The following PDZD2 variants were observed in gnomAD, a reference collection of about 807,000 sequenced individuals.
PDZD2 encodes the protein PDZ domain containing 2, also known as PDZ domain-containing protein 2.
Under a neutral mutation model 220.7 loss-of-function variants are expected in PDZD2, and 90 were observed. That is an observed-to-expected ratio of 0.41 (90% confidence interval 0.34 to 0.49). The LOEUF (loss-of-function observed/expected upper bound fraction) is 0.49. Ranked by LOEUF, PDZD2 falls within the 20% of genes least tolerant of loss-of-function variation. PDZD2 has a pLI of 0.28. For synonymous variants in PDZD2, 1,375 were observed against 1,450.5 expected (o/e 0.95, Z 1.18); for missense variants, 3,174 against 3,608.5 (o/e 0.88, Z 3.08).
chr5:31,818,888 T>C (rs888468607), intron 2 of PDZD2, among the ~76,000 whole-genome samples: 1 of 152,218 alleles, frequency 6.6e-6, no homozygotes, highest in Non-Finnish European at 1.5e-5. Context: ...TCAACAGATA[T>C]AATTTTTTGT....
chr5:32,059,619 C>G (rs1739489963), intron 13 of PDZD2, among the ~76,000 whole-genome samples: 2 of 152,278 alleles, frequency 1.3e-5, no homozygotes, highest in Admixed American at 6.5e-5. Flanking sequence ...GTTTCAGAAA[C>G]TTGACAAGAT....
chr5:31,981,924 C>T (rs1160540130), intron 2 of PDZD2, among the ~76,000 whole-genome samples: 1 of 152,152 alleles, frequency 6.6e-6, no homozygotes, highest in Non-Finnish European at 1.5e-5. Context: ...ATTTTCTTAT[C>T]GTTCTTTAAG....
At chr5:31,703,483 G>A (rs1466737053) in intron 1 of PDZD2, among the ~76,000 whole-genome samples, 2 of 152,034 alleles carry the variant, frequency 1.3e-5, no homozygotes, top group Non-Finnish European at 2.9e-5. Flanking sequence ...TCGGGGGGTC[G>A]GGGGGAAGGG....
intron 2 of PDZD2, among the ~76,000 whole-genome samples, chr5:31,850,060 A>G (rs1370034310): frequency 1.4e-5 from 2 of 139,096 alleles, no homozygotes; most frequent in East Asian, 2.2e-4. Context: ...ACGTGTATAT[A>G]TAAGTATATA....
intron 1 of PDZD2, among the ~76,000 whole-genome samples, chr5:31,694,568 G>C (rs1285956197): frequency 6.6e-6 from 1 of 152,070 alleles, no homozygotes; most frequent in Non-Finnish European, 1.5e-5. Context: ...TGGTGTGTAG[G>C]AGATGCTTCA....
intron 2 of PDZD2, among the ~76,000 whole-genome samples, chr5:31,943,162 C>T (rs1196470982): frequency 6.6e-6 from 1 of 150,806 alleles, no homozygotes; most frequent in Non-Finnish European, 1.5e-5. Flanking sequence ...GAGATTGTGC[C>T]ACTGCACTCC....
At chr5:31,906,614 G>A (rs553128891) in intron 2 of PDZD2, among the ~76,000 whole-genome samples, 3 of 152,176 alleles carry the variant, frequency 2.0e-5, no homozygotes, top group East Asian at 1.9e-4. Flanking sequence ...AAGCTGAGGC[G>A]GGCAGATCAT....
chr5:32,053,497 G>T (rs1292416070), intron 9 of PDZD2, among the ~76,000 whole-genome samples: 1 of 152,176 alleles, frequency 6.6e-6, no homozygotes, highest in Non-Finnish European at 1.5e-5. Context: ...GTCAAATATT[G>T]GCAATTTGGT....
chr5:32,002,637 A>C (rs1462883224), intron 5 of PDZD2, among the ~76,000 whole-genome samples: 1 of 125,796 alleles, frequency 7.9e-6, no homozygotes, highest in East Asian at 2.5e-4. Context: ...ACACACCACC[A>C]ACACACACAC....
chr5:31,884,931 C>G (rs1272865212), intron 2 of PDZD2, among the ~76,000 whole-genome samples: 2 of 152,114 alleles, frequency 1.3e-5, no homozygotes, highest in African/African-American at 4.8e-5. Flanking sequence ...GTATGAGCCA[C>G]TGTGCCTGGC....
chr5:31,854,657 C>G (rs1758266390), intron 2 of PDZD2, among the ~76,000 whole-genome samples: 2 of 152,098 alleles, frequency 1.3e-5, no homozygotes, highest in African/African-American at 4.8e-5. Flanking sequence ...GGGTAGGGCG[C>G]TTTTTCCTCT....
chr5:32,002,421 G>A (rs904841758), intron 5 of PDZD2, among the ~76,000 whole-genome samples: 1 of 152,004 alleles, frequency 6.6e-6, no homozygotes, highest in East Asian at 1.9e-4. Flanking sequence ...GTAGCCCCTC[G>A]CCGGAAATGG....
At chr5:32,070,209 C>G (rs1740620280) in intron 15 of PDZD2, among the ~76,000 whole-genome samples, 1 of 152,164 alleles carries the variant, frequency 6.6e-6, no homozygotes, top group South Asian at 2.1e-4. Context: ...TAAAGGGACT[C>G]TTCACACATT....
At chr5:32,075,587 C>CT (rs1378738909) in intron 18 of PDZD2, among the ~76,000 whole-genome samples, 2 of 152,182 alleles carry the variant, frequency 1.3e-5, no homozygotes, top group Non-Finnish European at 2.9e-5. Context: ...GGTTATGTTA[C>CT]TACTTGGTTA....
chr5:31,928,573 T>A (rs1039619110), intron 2 of PDZD2, among the ~76,000 whole-genome samples: 1 of 152,026 alleles, frequency 6.6e-6, no homozygotes, highest in Non-Finnish European at 1.5e-5. Context: ...CCTCCCAGGT[T>A]CAAGGGGTTC....
At chr5:31,858,125 C>A (rs980434005) in intron 2 of PDZD2, among the ~76,000 whole-genome samples, 2 of 151,954 alleles carry the variant, frequency 1.3e-5, no homozygotes, top group African/African-American at 4.8e-5. Context: ...CGCACCTGGC[C>A]TTTTTTTGTG....
chr5:32,042,883 C>T (rs940051371), intron 7 of PDZD2, among the ~76,000 whole-genome samples: 7 of 152,198 alleles, frequency 4.6e-5, no homozygotes, highest in Admixed American at 6.5e-5. Context: ...ATAAAGGGCT[C>T]CCAGGGAGGT....
chr5:32,048,441 T>C, intron 7 of PDZD2, 98 bp from the exon 8 acceptor site: 1 of 985,622 alleles, frequency 1.0e-6, no homozygotes, highest in Non-Finnish European at 1.6e-6. Context: ...CTCAAAACCA[T>C]GAAGGTGGGT....
chr5:31,901,169 G>A (rs920966511), intron 2 of PDZD2, among the ~76,000 whole-genome samples: 1 of 152,064 alleles, frequency 6.6e-6, no homozygotes, highest in Non-Finnish European at 1.5e-5. Flanking sequence ...TGTAATCCCA[G>A]CACTTTGGGA....
Sources: allele counts gnomAD v4.1 joint callset (sites outside exome capture counted in the v4.1 genomes callset), GRCh38; gene constraint gnomAD v4.1.1; transcripts MANE v1.5; gene names NCBI Gene and HGNC (gene_info 2026-07-23, HGNC 2026-07-21).